Variants in CSMD1 observed in about 807,000 individuals in gnomAD.
The protein encoded by CSMD1 is CUB and Sushi multiple domains 1.
In CSMD1, 213 loss-of-function variants were observed where a neutral mutation model predicts 417.5. The ratio of observed to expected loss-of-function variants is 0.51; its 90% confidence interval spans 0.46 to 0.57. The LOEUF is 0.57. Ranked by LOEUF, CSMD1 falls within the 20% of genes least tolerant of loss-of-function variation. The pLI is 0.00. For missense variants in CSMD1, 6,923 were observed against 4,529.7 expected (o/e 1.53, Z -15.17); for synonymous variants, 2,862 against 1,736.8 (o/e 1.65, Z -16.11).
At chr8:4,102,604 G>T (rs1801362190) in intron 3 of CSMD1, among the ~76,000 whole-genome samples, 1 of 152,160 alleles carries the variant, frequency 6.6e-6, no homozygotes, top group Non-Finnish European at 1.5e-5. Context: ...TGTAACTCAT[G>T]TCTACTCAAA....
intron 3 of CSMD1, among the ~76,000 whole-genome samples, chr8:4,374,138 G>T (rs1156394171): frequency 1.3e-5 from 2 of 152,016 alleles, no homozygotes; most frequent in Non-Finnish European, 1.5e-5. Context: ...CCATCAGCTG[G>T]ATAAGTACGT....
rs1169610174 is a variant in CSMD1 at position 3,272,242 on chromosome 8, G to C, written c.4153+11902C>G. 4.1e-5 allele frequency among the ~76,000 whole-genome samples: 6 copies of C among 144,796 alleles called. 1 individual carries two copies. The highest frequency in any genetic ancestry group is 4.5e-4 in the South Asian group (2 of 4,406). The allele number at this position is 144,796 out of a possible 152,430, so 95.0% of individuals were successfully genotyped here. ...GTTTGTCAAAGATCAGATAGTTGTA[G>C]ATATGCGGCGTTATTTCTGAGGGCT... On this transcript the variant is annotated intron_variant, in intron 26 of 69. Transcript: ENST00000635120.
intron 11 of CSMD1, among the ~76,000 whole-genome samples, chr8:3,480,317 G>A (rs578077610): frequency 2.0e-5 from 3 of 152,240 alleles, no homozygotes; most frequent in East Asian, 1.9e-4. Context: ...AGCACAGATC[G>A]TGCCACTGCA....
rs542582277 is a variant in CSMD1 at position 4,578,923 on chromosome 8, G to A, written c.302+58419C>T. Among the ~76,000 whole-genome samples the A allele has an allele frequency of 4.6e-5, 7 of 150,718 alleles. No homozygotes were observed. In the East Asian group the frequency reaches 1.4e-3, roughly 30 times the overall value. ...AATCACCATGTGAAAACCACCATGT[G>A]GAAAAATATTAAATCAATACATTTA... is the stretch of plus-strand genomic sequence containing the variant. On this transcript the variant is annotated intron_variant, in intron 2 of 69. Coordinates refer to ENST00000635120, the MANE Select transcript of CSMD1 (RefSeq NM_033225.6).
In CSMD1 at chr8:3,871,646, T is replaced by C. The variant is rs147762736; in HGVS notation, c.819-117604A>G. On this transcript the variant is annotated intron_variant, in intron 5 of 69. Coordinates refer to ENST00000635120, the MANE Select transcript of CSMD1 (RefSeq NM_033225.6). ...GATATATTTTTTCTCACTTTACCATTAGTCTCAACCTTTAATCTTTTCATA... is the reference window on the plus strand; with the variant it reads ...GATATATTTTTTCTCACTTTACCATCAGTCTCAACCTTTAATCTTTTCATA... Among the ~76,000 whole-genome samples, 997 of 152,310 alleles carry C rather than the reference T, an allele frequency of 6.5e-3. 11 individuals are homozygous for C. Among genetic ancestry groups the C allele is most frequent in the African/African-American group, 0.023 (936 of 41,572 alleles).
intron 12 of CSMD1, among the ~76,000 whole-genome samples, chr8:3,460,237 G>C (rs187945171): frequency 5.1e-4 from 77 of 152,290 alleles, no homozygotes; most frequent in Non-Finnish European, 9.8e-4. Context: ...GATCTACATG[G>C]TGAGTCCATA....
intron 33 of CSMD1, 27 bp downstream of exon 33, chr8:3,199,687 T>G: frequency 6.7e-7 from 1 of 1,491,412 alleles, no homozygotes; most frequent in Non-Finnish European, 9.2e-7. Flanking sequence ...CACAGTGACA[T>G]GTGGAGACAT....
chr8:4,665,095 G>C (rs1180481615), intron 1 of CSMD1, among the ~76,000 whole-genome samples: 1 of 151,816 alleles, frequency 6.6e-6, no homozygotes, highest in Non-Finnish European at 1.5e-5. Context: ...CTTCCACCTT[G>C]CCACCCAGCC....
At chr8:4,408,110 A>C (rs577700466) in intron 3 of CSMD1, among the ~76,000 whole-genome samples, 10 of 152,308 alleles carry the variant, frequency 6.6e-5, no homozygotes, top group Non-Finnish European at 1.2e-4. Flanking sequence ...TTTATGCCTG[A>C]ATGGAAAAAC....
intron 5 of CSMD1, 27 bp from the exon 6 acceptor site, chr8:3,754,069 C>T (rs1482152192): frequency 1.3e-6 from 2 of 1,517,904 alleles, no homozygotes; most frequent in African/African-American, 1.4e-5. Context: ...GGAAAAAAAT[C>T]TCCCTTGTAA....
chr8:4,908,262 C>G (rs1262849860), intron 1 of CSMD1, among the ~76,000 whole-genome samples: 1 of 152,128 alleles, frequency 6.6e-6, no homozygotes, highest in Non-Finnish European at 1.5e-5. Context: ...GTAAAGTATT[C>G]CTTCCTGAAT....
At chr8:3,563,287 TAA>T (rs1799551302) in intron 10 of CSMD1, among the ~76,000 whole-genome samples, 1 of 152,056 alleles carries the variant, frequency 6.6e-6, no homozygotes, top group African/African-American at 2.4e-5. Context: ...CCCAGTTATC[TAA>T]AAGTGTGTAA....
intron 1 of CSMD1, among the ~76,000 whole-genome samples, chr8:4,782,975 A>T (rs538751391): frequency 1.3e-5 from 2 of 151,796 alleles, no homozygotes; most frequent in South Asian, 2.1e-4. Context: ...ACGACTTCAG[A>T]TTAGAAAGAA....
At chr8:4,680,320 A>T (rs1805958002) in intron 1 of CSMD1, among the ~76,000 whole-genome samples, 1 of 152,146 alleles carries the variant, frequency 6.6e-6, no homozygotes, top group East Asian at 1.9e-4. Flanking sequence ...ATGAATCAAA[A>T]ATCTGAAAGC....
At chr8:3,942,270 T>C (rs1182361386) in intron 5 of CSMD1, among the ~76,000 whole-genome samples, 1 of 152,228 alleles carries the variant, frequency 6.6e-6, no homozygotes, top group South Asian at 2.1e-4. Flanking sequence ...ACCATAAATG[T>C]AATGCGCTTG....
chr8:3,297,407 T>C (rs10087673), intron 25 of CSMD1, among the ~76,000 whole-genome samples: 12,484 of 152,224 alleles, frequency 0.082, 674 homozygotes, highest in Admixed American at 0.14. Context: ...ATTATGATAC[T>C]GGGTATCAAG....
At chr8:4,506,917 ATTTTTCTGT>A (rs1199745374) in intron 2 of CSMD1, among the ~76,000 whole-genome samples, 1 of 152,168 alleles carries the variant, frequency 6.6e-6, no homozygotes, top group Non-Finnish European at 1.5e-5. Context: ...TCTTAGGTAC[ATTTTTCTGT>A]CTTTAAAATA....
At chr8:3,716,918 T>C (rs968556984) in intron 6 of CSMD1, among the ~76,000 whole-genome samples, 3 of 152,166 alleles carry the variant, frequency 2.0e-5, no homozygotes, top group African/African-American at 7.2e-5. Flanking sequence ...CTGGAGTACA[T>C]CCTATTTAAT....
chr8:3,097,818 T>C (rs981720993), intron 46 of CSMD1, among the ~76,000 whole-genome samples: 1 of 152,152 alleles, frequency 6.6e-6, no homozygotes, highest in Non-Finnish European at 1.5e-5. Flanking sequence ...ATGTGATTGC[T>C]CGGGACCCTG....
Sources: gnomAD v4.1 joint callset for allele counts (sites outside exome capture counted in the v4.1 genomes callset) on GRCh38, gnomAD v4.1.1 for gene constraint, MANE v1.5 for transcripts, NCBI Gene and HGNC (gene_info 2026-07-23, HGNC 2026-07-21) for gene names.